C7orf78: variants seen among roughly 807,000 people sequenced by gnomAD.
C7orf78 encodes the protein chromosome 7 open reading frame 78.
chr7:12,504,935 C>T, the C7orf78 span, among the ~76,000 whole-genome samples: 2 of 151,908 alleles, frequency 1.3e-5, no homozygotes, highest in South Asian at 4.2e-4. Context: ...ATCTACCTCC[C>T]AAATTTAATG....
the C7orf78 span, among the ~76,000 whole-genome samples, chr7:12,502,167 C>T: frequency 5.8e-5 from 5 of 85,684 alleles, no homozygotes; most frequent in African/African-American, 2.1e-4. Flanking sequence ...AGGACATAGG[C>T]ATGGGCAAGG....
At chr7:12,536,950 C>A in the C7orf78 span, among the ~76,000 whole-genome samples, 2 of 152,162 alleles carry the variant, frequency 1.3e-5, no homozygotes, top group Admixed American at 1.3e-4. Context: ...TTGGTCAAAG[C>A]CATTCAACAA....
At chr7:12,484,633 T>C in the C7orf78 span, among the ~76,000 whole-genome samples, 1 of 152,238 alleles carries the variant, frequency 6.6e-6, no homozygotes, top group Admixed American at 6.5e-5. Context: ...TATATTCTGC[T>C]ATCAGTCACT....
the C7orf78 span, among the ~76,000 whole-genome samples, chr7:12,523,965 C>A: frequency 6.6e-6 from 1 of 151,970 alleles, no homozygotes; most frequent in South Asian, 2.1e-4. Flanking sequence ...AATATAATTC[C>A]ACTAAAATGT....
chr7:12,540,171 A>G, the C7orf78 span, among the ~76,000 whole-genome samples: 3 of 152,172 alleles, frequency 2.0e-5, no homozygotes, highest in Admixed American at 6.5e-5. Context: ...TCCTAGTTTT[A>G]GCTTTGAGGC....
the C7orf78 span, among the ~76,000 whole-genome samples, chr7:12,503,526 A>T: frequency 1.3e-5 from 2 of 152,054 alleles, no homozygotes; most frequent in Non-Finnish European, 2.9e-5. Flanking sequence ...TAGCCATAAA[A>T]GGTAATTTTT....
chr7:12,532,951 G>C, the C7orf78 span, among the ~76,000 whole-genome samples: 1 of 152,154 alleles, frequency 6.6e-6, no homozygotes, highest in Non-Finnish European at 1.5e-5. Context: ...GTAAGAATTT[G>C]TTTTAAGTGG....
chr7:12,532,813 T>C, the C7orf78 span, among the ~76,000 whole-genome samples: 23 of 152,264 alleles, frequency 1.5e-4, no homozygotes, highest in African/African-American at 5.3e-4. Context: ...CTCAGTAAGA[T>C]TGATCTTTGG....
the C7orf78 span, chr7:12,526,010 C>T: frequency 2.6e-6 from 1 of 388,096 alleles, no homozygotes; most frequent in Non-Finnish European, 4.6e-6. Context: ...TTATTATCAC[C>T]TTTAATAATA....
the C7orf78 span, among the ~76,000 whole-genome samples, chr7:12,505,753 A>G: frequency 0.089 from 13,527 of 152,134 alleles, 815 homozygotes; most frequent in Non-Finnish European, 0.13. Context: ...AGTTTTTTCC[A>G]TGTAAAAGGA....
At chr7:12,532,850 A>C in the C7orf78 span, among the ~76,000 whole-genome samples, 1 of 152,310 alleles carries the variant, frequency 6.6e-6, no homozygotes, top group East Asian at 1.9e-4. Flanking sequence ...ACACAGAGTG[A>C]ACAGTCAGCA....
chr7:12,511,626 A>G, the C7orf78 span, among the ~76,000 whole-genome samples: 2 of 152,210 alleles, frequency 1.3e-5, no homozygotes, highest in East Asian at 3.8e-4. Flanking sequence ...CTTTGTAGCT[A>G]TAGAAAATAA....
chr7:12,492,808 A>G, the C7orf78 span, among the ~76,000 whole-genome samples: 1 of 152,234 alleles, frequency 6.6e-6, no homozygotes, highest in Non-Finnish European at 1.5e-5. Flanking sequence ...CTCTTGCTAG[A>G]TGTGAACTGA....
At chr7:12,524,694 T>C in the C7orf78 span, among the ~76,000 whole-genome samples, 1 of 152,040 alleles carries the variant, frequency 6.6e-6, no homozygotes, top group Admixed American at 6.6e-5. Context: ...AATACAAAAA[T>C]TAGCCAGGTG....
the C7orf78 span, among the ~76,000 whole-genome samples, chr7:12,488,760 G>C: frequency 6.6e-6 from 1 of 151,994 alleles, no homozygotes; most frequent in African/African-American, 2.4e-5. Context: ...AATTCAAAAA[G>C]AATTGCTTAA....
the C7orf78 span, among the ~76,000 whole-genome samples, chr7:12,508,804 T>C: frequency 2.6e-5 from 4 of 152,192 alleles, no homozygotes; most frequent in African/African-American, 7.2e-5. Flanking sequence ...TAGAGTCTTA[T>C]AGGAGCGTGA....
the C7orf78 span, among the ~76,000 whole-genome samples, chr7:12,532,373 C>T: frequency 1.4e-5 from 2 of 145,642 alleles, no homozygotes; most frequent in African/African-American, 2.8e-5. Flanking sequence ...CATGGTGAAA[C>T]CCTGTCTCTA....
At chr7:12,501,621 A>G in the C7orf78 span, among the ~76,000 whole-genome samples, 10 of 130,026 alleles carry the variant, frequency 7.7e-5, no homozygotes, top group African/African-American at 2.3e-4. Context: ...GCTCATGGGT[A>G]GGAAGAATCA....
the C7orf78 span, among the ~76,000 whole-genome samples, chr7:12,502,212 C>A: frequency 0.075 from 7,400 of 98,214 alleles, 179 homozygotes; most frequent in Middle Eastern, 0.14. Flanking sequence ...CAATGGCAAC[C>A]AAAGCCAAAA....
Sources: allele counts gnomAD v4.1 joint callset (sites outside exome capture counted in the v4.1 genomes callset), GRCh38; gene constraint gnomAD v4.1.1; transcripts MANE v1.5; gene names NCBI Gene and HGNC (gene_info 2026-07-23, HGNC 2026-07-21).